Variants in SEC24B observed in about 807,000 individuals in gnomAD.
SEC24B encodes the protein SEC24 homolog B, COPII component.
Under a neutral mutation model 142.8 loss-of-function variants are expected in SEC24B, and 45 were observed. The observed-to-expected ratio is 0.32, with a 90% CI of 0.25 to 0.40. The LOEUF is 0.40. Ranked by LOEUF, SEC24B falls within the 10% of genes least tolerant of loss-of-function variation. The probability of loss-of-function intolerance (pLI) is 1.00; values close to 1 mark genes in which losing one functional copy is unlikely to be tolerated. For synonymous variants in SEC24B, 574 were observed against 568.2 expected (o/e 1.01, Z -0.15); for missense variants, 1,409 against 1,526.8 (o/e 0.92, Z 1.29).
At chr4:109,447,961 C>T (rs1364635460) in intron 1 of SEC24B, among the ~76,000 whole-genome samples, 1 of 152,148 alleles carries the variant, frequency 6.6e-6, no homozygotes, top group Non-Finnish European at 1.5e-5. Context: ...TGGTCCATGG[C>T]CCACTTTCTC....
At chr4:109,471,285 A>G (rs948956464) in intron 2 of SEC24B, among the ~76,000 whole-genome samples, 6 of 151,986 alleles carry the variant, frequency 3.9e-5, no homozygotes, top group African/African-American at 1.5e-4. Flanking sequence ...TGAGGACCAC[A>G]GATGCGCACC....
At chr4:109,445,704 G>T (rs1404422623) in intron 1 of SEC24B, among the ~76,000 whole-genome samples, 3 of 151,940 alleles carry the variant, frequency 2.0e-5, no homozygotes, top group African/African-American at 7.3e-5. Flanking sequence ...AAGTTACTGG[G>T]ACTACAGGCA....
At position 109,434,594 on chromosome 4, in the gene SEC24B, A is replaced by T. The variant is rs181123724; in HGVS notation, c.133+592A>T. On this transcript the variant is annotated intron_variant, in intron 1 of 23. Coordinates refer to ENST00000265175, the MANE Select transcript of SEC24B (RefSeq NM_006323.5). ...AGACAAAAGGGTGTAAATATGCTAT[A>T]TAAGTGTAACTGTAACCCTGACCCA... 1.9e-3 allele frequency among the ~76,000 whole-genome samples: 297 copies of T among 152,372 alleles called. 3 individuals are homozygous for T. Among genetic ancestry groups the T allele is most frequent in the African/African-American group, 6.6e-3 (273 of 41,598 alleles).
At chr4:109,480,756 G>A (rs1392007507) in intron 3 of SEC24B, among the ~76,000 whole-genome samples, 1 of 152,200 alleles carries the variant, frequency 6.6e-6, no homozygotes, top group Non-Finnish European at 1.5e-5. Context: ...TGGGATTACA[G>A]GCGTGAGCCA....
intron 6 of SEC24B, among the ~76,000 whole-genome samples, chr4:109,503,577 C>T (rs1286794364): frequency 1.3e-5 from 2 of 152,130 alleles, no homozygotes; most frequent in East Asian, 3.9e-4. Context: ...CCAAACTGGC[C>T]TCGAACTCCT....
chr4:109,441,505 A>G (rs1728924397), intron 1 of SEC24B, among the ~76,000 whole-genome samples: 1 of 152,134 alleles, frequency 6.6e-6, no homozygotes, highest in Non-Finnish European at 1.5e-5. Flanking sequence ...ATCACAGCTC[A>G]CTGCAGTCTT....
In SEC24B at chr4:109,433,932, C is replaced by G; in HGVS notation, c.63C>G (p.Gly21=). 1 of 1,288,988 alleles carries G rather than the reference C, an allele frequency of 7.8e-7. No homozygotes were observed. Among genetic ancestry groups the G allele is most frequent in the Non-Finnish European group, 9.8e-7 (1 of 1,018,870 alleles). 79.8% of individuals were successfully genotyped at this position (1,288,988 alleles called of 1,614,324 possible). Residue 21 remains glycine, a synonymous_variant, in exon 1 of 24, where the codon GGC becomes GGG. Transcript: ENST00000265175. The stretch of plus-strand genomic sequence containing the variant: ...GCGCCCGGATCCCGCCCAAGTTCGG[C>G]GGAGCGGCCGTCTCAGGAGCCGCAG... The part of the protein sequence containing the change: ...AASARIPPKF[G]GAAVSGAAAP...
intron 4 of SEC24B, among the ~76,000 whole-genome samples, 177 bp from the exon 5 acceptor site, chr4:109,491,150 A>G (rs980409671): frequency 2.6e-5 from 4 of 152,162 alleles, no homozygotes; most frequent in African/African-American, 4.8e-5. Context: ...CTCATCTTCT[A>G]TTCTTAACAG....
In SEC24B at chr4:109,511,982, C is replaced by A; in HGVS notation, c.1802C>A (p.Thr601Asn). 2.5e-6 allele frequency: 4 copies of A among 1,613,606 alleles called. No individual in the cohort carries two copies. Among genetic ancestry groups the A allele is most frequent in the Non-Finnish European group, 3.4e-6 (4 of 1,179,844 alleles). The change falls in exon 9 of 24, where the codon ACC (threonine) becomes AAC (asparagine). Residue 601 changes from threonine to asparagine, a missense_variant. Thr to Asn is a moderately conservative substitution (Grantham distance 65). This residue lies in a region of SEC24B where 700 missense variants were observed against 853.3 expected (regional missense o/e 0.82). Transcript: ENST00000265175. ...LTQLPVITSN[T>N]IVRCRSCRTY... is the part of the protein sequence containing the mutation. The stretch of plus-strand genomic sequence containing the variant: ...CAATTACCAGTGATAACATCAAATA[C>A]CATTGTGAGGTGCCGATCCTGTCGA...
Position 109,481,554 on chromosome 4 carries a change from T to C in SEC24B, c.1061-123T>C, listed in dbSNP as rs560509205. On this transcript the variant is annotated intron_variant, in intron 3 of 23. Coordinates refer to ENST00000265175, the MANE Select transcript of SEC24B (RefSeq NM_006323.5). ...TTGATAATGAATTTGCTAATATTAA[T>C]ATGCATGTTGGGATGTTCTTTGGAA... 8.9e-4 allele frequency: 582 copies of C among 657,408 alleles called. 1 individual carries two copies. Among genetic ancestry groups the C allele is most frequent in the South Asian group, 1.9e-3 (86 of 45,348 alleles). The allele number at this position is 657,408 out of a possible 1,614,324, so 40.7% of individuals were successfully genotyped here.
At chr4:109,486,946 C>G (rs1734420826) in intron 4 of SEC24B, among the ~76,000 whole-genome samples, 1 of 152,068 alleles carries the variant, frequency 6.6e-6, no homozygotes, top group African/African-American at 2.4e-5. Context: ...GGGCAGATCA[C>G]CTGAGGTCAG....
intron 5 of SEC24B, among the ~76,000 whole-genome samples, chr4:109,492,060 A>G (rs1168967189): frequency 6.6e-6 from 1 of 152,106 alleles, no homozygotes; most frequent in Non-Finnish European, 1.5e-5. Context: ...TTCAAAACTA[A>G]CAGAAAAAGC....
chr4:109,439,135 A>G (rs1404507884), intron 1 of SEC24B, among the ~76,000 whole-genome samples: 2 of 152,202 alleles, frequency 1.3e-5, no homozygotes, highest in Non-Finnish European at 2.9e-5. Context: ...ATGAAACTAC[A>G]GTTTTATCAC....
intron 2 of SEC24B, among the ~76,000 whole-genome samples, chr4:109,464,631 TA>T (rs1422105690): frequency 1.3e-5 from 2 of 152,210 alleles, no homozygotes; most frequent in Non-Finnish European, 2.9e-5. Context: ...AAAATGCATG[TA>T]AAAAATGGGA....
intron 3 of SEC24B, among the ~76,000 whole-genome samples, chr4:109,479,268 A>G (rs758275033): frequency 2.6e-5 from 4 of 152,190 alleles, no homozygotes; most frequent in Non-Finnish European, 5.9e-5. Flanking sequence ...TCTGGTTAAG[A>G]TAGAATAAAT....
intron 7 of SEC24B, among the ~76,000 whole-genome samples, chr4:109,507,723 G>T (rs1303783463): frequency 1.3e-5 from 2 of 151,876 alleles, no homozygotes; most frequent in Non-Finnish European, 2.9e-5. Flanking sequence ...TCGGCTCACC[G>T]CAATCTCCGC....
intron 1 of SEC24B, among the ~76,000 whole-genome samples, chr4:109,438,355 C>G (rs1181694442): frequency 6.6e-6 from 1 of 152,046 alleles, no homozygotes; most frequent in Non-Finnish European, 1.5e-5. Flanking sequence ...ACTCTGTCAC[C>G]CAAGCTGGAG....
chr4:109,441,555 C>T (rs566802454), intron 1 of SEC24B, among the ~76,000 whole-genome samples: 1 of 152,294 alleles, frequency 6.6e-6, no homozygotes, highest in Non-Finnish European at 1.5e-5. Flanking sequence ...CTTCAGCCTC[C>T]TGAGTAGCTA....
At chr4:109,500,055 G>A (rs1461265614) in intron 6 of SEC24B, among the ~76,000 whole-genome samples, 1 of 152,120 alleles carries the variant, frequency 6.6e-6, no homozygotes, top group Non-Finnish European at 1.5e-5. Flanking sequence ...CTAAGCAAAT[G>A]TGTGTGTTTG....
Sources: gnomAD v4.1 joint callset for allele counts (sites outside exome capture counted in the v4.1 genomes callset) on GRCh38, gnomAD v4.1.1 for gene constraint, gnomAD v4.1.1 regional missense constraint, MANE v1.5 for transcripts, NCBI Gene and HGNC (gene_info 2026-07-23, HGNC 2026-07-21) for gene names.